Variants in RSPH14 observed in about 807,000 individuals in gnomAD.
The protein encoded by RSPH14 is rhabdoid tumor deletion region gene 1.
Under a neutral mutation model 26.7 loss-of-function variants are expected in RSPH14, and 20 were observed. The observed-to-expected ratio is 0.75, with a 90% CI of 0.53 to 1.09. RSPH14 has a LOEUF of 1.09. Ranked by LOEUF, RSPH14 falls within the 50% of genes least tolerant of loss-of-function variation. The pLI is 0.00. For missense variants in RSPH14, 449 were observed against 457.2 expected (o/e 0.98, Z 0.16); for synonymous variants, 177 against 189.3 (o/e 0.93, Z 0.53).
In RSPH14 at chr22:23,061,735, C is replaced by T. The variant is rs1478756040; in HGVS notation, c.790+74G>A. 5.0e-6 allele frequency: 8 copies of T among 1,585,684 alleles called. No homozygotes were observed. The East Asian group carries it at 9.0e-5, about 18-fold the overall frequency. ...GAGTTTGGGGGACGATACCCAGCCCCTGAGTACAGAAAGCTCATCACGGCT... is the reference window on the plus strand; with the variant it reads ...GAGTTTGGGGGACGATACCCAGCCCTTGAGTACAGAAAGCTCATCACGGCT... On this transcript the variant is annotated intron_variant, in intron 6 of 6. Transcript: ENST00000216036.
At chr22:23,083,100 C>T (rs1465504917) in intron 4 of RSPH14, among the ~76,000 whole-genome samples, 1 of 152,092 alleles carries the variant, frequency 6.6e-6, no homozygotes, top group Non-Finnish European at 1.5e-5. Context: ...GGACTCTCCA[C>T]ACAGACAGAA....
chr22:23,107,016 C>T (rs1319066621), intron 4 of RSPH14, among the ~76,000 whole-genome samples: 1 of 152,272 alleles, frequency 6.6e-6, no homozygotes, highest in African/African-American at 2.4e-5. Context: ...AGGCAGGGAG[C>T]AGCACGCTCA....
the RSPH14 span, among the ~76,000 whole-genome samples, chr22:23,172,793 A>G: frequency 0.31 from 46,796 of 151,062 alleles, 7,557 homozygotes; most frequent in African/African-American, 0.39. Flanking sequence ...TACTAAAAAT[A>G]CAAAAAATTA....
intron 4 of RSPH14, among the ~76,000 whole-genome samples, chr22:23,078,816 C>T (rs570062561): frequency 6.6e-6 from 1 of 152,184 alleles, no homozygotes; most frequent in Non-Finnish European, 1.5e-5. Context: ...GAAGCCCAGC[C>T]CCAAAGGGCT....
chr22:23,116,053 ACAGT>A (rs1451469394), intron 4 of RSPH14, among the ~76,000 whole-genome samples: 1 of 152,218 alleles, frequency 6.6e-6, no homozygotes, highest in Non-Finnish European at 1.5e-5. Flanking sequence ...AAACAACAAA[ACAGT>A]CAAACAGGTG....
chr22:23,158,930 A>G, the RSPH14 span: 5 of 1,614,204 alleles, frequency 3.1e-6, no homozygotes. Flanking sequence ...AGGGAGAACG[A>G]GGCAGGCTCC....
chr22:23,134,087 G>A lies in RSPH14; in HGVS notation c.360C>T (p.Pro120=). The part of the protein sequence containing the change: ...VLALSFLLND[P]SPVCRGNLYK... ...ACAGGTTCCCCCGGCAGACTGGGCT[G>A]GGGTCATTCAGCAGGAAGGACAGGG... The change falls in exon 4 of 7, where the codon CCC becomes CCT. Residue 120 remains proline (P), a synonymous_variant. Coordinates refer to ENST00000216036, the MANE Select transcript of RSPH14 (RefSeq NM_014433.3). 1 of 1,613,600 alleles carries A rather than the reference G, an allele frequency of 6.2e-7. No homozygotes were observed. Among genetic ancestry groups the A allele is most frequent in the Non-Finnish European group, 8.5e-7 (1 of 1,179,686 alleles).
chr22:23,074,530 G>T (rs967952987), intron 4 of RSPH14, among the ~76,000 whole-genome samples: 1 of 152,138 alleles, frequency 6.6e-6, no homozygotes, highest in African/African-American at 2.4e-5. Context: ...GTGGCCAGAG[G>T]GAGAGCAAGG....
intron 4 of RSPH14, among the ~76,000 whole-genome samples, chr22:23,114,272 G>C (rs1335434384): frequency 6.6e-6 from 1 of 152,168 alleles, no homozygotes; most frequent in African/African-American, 2.4e-5. Context: ...TTCACGGTTC[G>C]GATGAACACT....
At chr22:23,132,057 C>T (rs552017269) in intron 4 of RSPH14, among the ~76,000 whole-genome samples, 2 of 152,300 alleles carry the variant, frequency 1.3e-5, no homozygotes, top group South Asian at 4.1e-4. Flanking sequence ...AATGCTCACG[C>T]CTGGCCTTGA....
intron 4 of RSPH14, among the ~76,000 whole-genome samples, chr22:23,098,190 G>C (rs1012951071): frequency 2.0e-5 from 3 of 152,238 alleles, no homozygotes; most frequent in South Asian, 2.1e-4. Flanking sequence ...TCTAGCCGTG[G>C]TCAGCTTGTT....
the RSPH14 span, among the ~76,000 whole-genome samples, chr22:23,176,191 G>C: frequency 6.6e-6 from 1 of 152,218 alleles, no homozygotes. Flanking sequence ...ACCTCTGCTT[G>C]CCTGTTGCAG....
At chr22:23,107,282 C>A (rs1049445967) in intron 4 of RSPH14, among the ~76,000 whole-genome samples, 13 of 152,146 alleles carry the variant, frequency 8.5e-5, no homozygotes, top group African/African-American at 2.9e-4. Flanking sequence ...CCAGAGGAGC[C>A]CCATCTGTCG....
chr22:23,178,466 C>T, the RSPH14 span, among the ~76,000 whole-genome samples: 2 of 151,770 alleles, frequency 1.3e-5, no homozygotes, highest in African/African-American at 4.8e-5. Context: ...CTCAGTATGG[C>T]ACTACTGGGA....
chr22:23,170,979 T>C, the RSPH14 span, among the ~76,000 whole-genome samples: 2 of 152,006 alleles, frequency 1.3e-5, no homozygotes, highest in African/African-American at 2.4e-5. Flanking sequence ...TTTTCTTCTT[T>C]TTTTTTCAAG....
At chr22:23,063,846 C>T in intron 5 of RSPH14, 56 bp downstream of exon 5, 2 of 1,559,046 alleles carry the variant, frequency 1.3e-6, no homozygotes, top group Admixed American at 1.8e-5. Context: ...TGGACCAGTC[C>T]AGCTCAGGTG....
At chr22:23,138,051 G>A (rs1214244579) in intron 3 of RSPH14, among the ~76,000 whole-genome samples, 2 of 152,080 alleles carry the variant, frequency 1.3e-5, no homozygotes, top group Non-Finnish European at 2.9e-5. Context: ...ACACTTCCAG[G>A]TGCCAGAAAC....
chr22:23,160,833 C>A, the RSPH14 span: 1 of 1,589,890 alleles, frequency 6.3e-7, no homozygotes, highest in Non-Finnish European at 8.6e-7. Context: ...CATTAAGGGG[C>A]AAGGAGAAAC....
chr22:23,104,751 A>C (rs1047651797), intron 4 of RSPH14, among the ~76,000 whole-genome samples: 4 of 152,194 alleles, frequency 2.6e-5, no homozygotes, highest in African/African-American at 9.7e-5. Flanking sequence ...GTGACTGGCC[A>C]TGAACAAGAC....
Sources: allele counts gnomAD v4.1 joint callset (sites outside exome capture counted in the v4.1 genomes callset), GRCh38; gene constraint gnomAD v4.1.1; transcripts MANE v1.5; gene names NCBI Gene and HGNC (gene_info 2026-07-23, HGNC 2026-07-21).